The following DDX24 variants were observed in gnomAD, a reference collection of about 807,000 sequenced individuals.
DDX24 encodes ATP-dependent RNA helicase DDX24.
In DDX24, 24 loss-of-function variants were observed where a neutral mutation model predicts 68.9. The observed-to-expected ratio is 0.35, with a 90% confidence interval of 0.25 to 0.49. The LOEUF is 0.49. Among genes scored for constraint, DDX24 ranks in the 20% least tolerant of loss-of-function variants. The pLI, the probability that DDX24 is intolerant of heterozygous loss-of-function variation, is 0.99. For missense variants in DDX24, 989 were observed against 1,039.0 expected, an observed-to-expected ratio of 0.95 and a Z score of 0.66; for synonymous variants, 395 against 385.2, an observed-to-expected ratio of 1.03 and a Z score of -0.30.
Position 94,060,319 on chromosome 14 carries a change from T to C in DDX24, c.1692A>G (p.Thr564=). 1.2e-6 allele frequency: 2 copies of C among 1,614,244 alleles called. No individual in the cohort carries two copies. The highest frequency in any genetic ancestry group is 8.5e-7 in the Non-Finnish European group (1 of 1,180,038). Reference sequence around the variant, plus strand: ...CAGTCTCACAATGGATCTTGGTCTCTGTTAGCGTCTCCACCGTGGCCTCAT... The same window carrying C: ...CAGTCTCACAATGGATCTTGGTCTCCGTTAGCGTCTCCACCGTGGCCTCAT... ...TRNEATVETL[T]ETKIHCETDE... is the part of the protein sequence containing the mutation. The change falls in exon 5 of 9, where the codon ACA becomes ACG. Residue 564 remains threonine (T), a synonymous_variant. Coordinates refer to ENST00000621632, the MANE Select transcript of DDX24 (RefSeq NM_020414.4).
In DDX24 at chr14:94,062,381, T is replaced by C. The variant is rs199917054; in HGVS notation, c.959A>G (p.Lys320Arg). 1,416 of 1,614,228 alleles carry C rather than the reference T, an allele frequency of 8.8e-4. 11 individuals carry two copies. Among genetic ancestry groups the C allele is most frequent in the South Asian group, 8.7e-3 (791 of 91,082 alleles). Residue 320 changes from lysine (K) to arginine (R), a missense_variant, in exon 3 of 9, where the codon AAG becomes AGG. This residue lies in a region of DDX24 where 691 missense variants were observed against 760.0 expected (regional missense o/e 0.91). Coordinates refer to ENST00000621632, the MANE Select transcript of DDX24 (RefSeq NM_020414.4). ...CTGGTCTGAGACAGTGCCTCCAGTC[T>C]TGGCTCTGGCCTCGGCTGCAATATC... ...PSDIAAEARA[K>R]TGGTVSDQAL...
chr14:94,055,401 C>A, intron 6 of DDX24: 1 of 553,182 alleles, frequency 1.8e-6, no homozygotes, highest in African/African-American at 1.9e-5. Flanking sequence ...CCCTCCCATG[C>A]CCCTGACCCT....
chr14:94,060,989 C>T lies in DDX24; in HGVS notation c.1321G>A (p.Val441Met), dbSNP rs763835363. The stretch of plus-strand genomic sequence containing the variant: ...CACAGCCGGCCTGGAGTAGCAACCA[C>T]AATCTCAGGACGACGGTTCAGCATC... ...QRMLNRRPEI[V>M]VATPGRLWEL... The change falls in exon 4 of 9, where the codon GTG (valine) becomes ATG (methionine). Residue 441 changes from valine (V) to methionine (M), a missense_variant. By Grantham distance (21) the Val-to-Met change is conservative. Around this residue, in one of 3 missense-constraint regions of DDX24, gnomAD observed 691 missense variants for 760.0 expected, o/e 0.91. Coordinates refer to ENST00000621632, the MANE Select transcript of DDX24 (RefSeq NM_020414.4). 1.2e-6 allele frequency: 2 copies of T among 1,614,250 alleles called. No homozygotes were observed. Among genetic ancestry groups the T allele is most frequent in the Non-Finnish European group, 1.7e-6 (2 of 1,180,038 alleles).
intron 7 of DDX24, among the ~76,000 whole-genome samples, chr14:94,053,876 T>C (rs1161928725): frequency 6.6e-6 from 1 of 152,118 alleles, no homozygotes; most frequent in African/African-American, 2.4e-5. Flanking sequence ...AGATCAGTGG[T>C]GAGATGCAGT....
At chr14:94,072,403 G>A (rs891770629) in intron 2 of DDX24, among the ~76,000 whole-genome samples, 1 of 152,196 alleles carries the variant, frequency 6.6e-6, no homozygotes, top group South Asian at 2.1e-4. Flanking sequence ...TAAGTTATGA[G>A]GATGCAAAAG....
At chr14:94,070,698 T>C (rs1213202751) in intron 2 of DDX24, among the ~76,000 whole-genome samples, 2 of 151,986 alleles carry the variant, frequency 1.3e-5, no homozygotes, top group African/African-American at 4.8e-5. Context: ...AACCCAGAAA[T>C]AAACCCAAAT....
intron 2 of DDX24, among the ~76,000 whole-genome samples, chr14:94,066,598 T>C (rs1243157138): frequency 6.6e-6 from 1 of 152,054 alleles, no homozygotes; most frequent in East Asian, 1.9e-4. Context: ...CCCTCAGCCA[T>C]CTCCACCGGA....
intron 2 of DDX24, among the ~76,000 whole-genome samples, chr14:94,065,551 G>C (rs182588993): frequency 7.5e-4 from 114 of 152,308 alleles, no homozygotes; most frequent in African/African-American, 2.6e-3. Context: ...AGCAAGGGGA[G>C]GCTTGCATTG....
intron 2 of DDX24, among the ~76,000 whole-genome samples, chr14:94,074,704 AG>A (rs2141435580): frequency 6.6e-6 from 1 of 152,346 alleles, no homozygotes; most frequent in East Asian, 1.9e-4. Context: ...ATTCTGCTAA[AG>A]GTGTTAGCCA....
chr14:94,062,154 T>C lies in DDX24; in HGVS notation c.1186A>G (p.Thr396Ala), dbSNP rs1885609237. ...TTGACCTGGACGGCCAGCTCTCGAG[T>C]GGGAGTCAGAACCAGTCCAAGCAGA... Reference protein sequence around the residue: ...RPLLGLVLTPTRELAVQVKQH... With the variant: ...RPLLGLVLTPARELAVQVKQH... Residue 396 changes from threonine to alanine, a missense_variant, in exon 3 of 9, where the codon ACT (threonine) becomes GCT (alanine). Thr to Ala is a moderately conservative substitution (Grantham distance 58). Around this residue, in one of 3 missense-constraint regions of DDX24, gnomAD observed 691 missense variants for 760.0 expected, o/e 0.91. Coordinates refer to ENST00000621632, the MANE Select transcript of DDX24 (RefSeq NM_020414.4). The C allele has an allele frequency of 1.2e-6, 2 of 1,613,746 alleles. No individual in the cohort carries two copies. The highest frequency in any genetic ancestry group is 1.7e-6 in the Non-Finnish European group (2 of 1,179,928).
Position 94,062,335 on chromosome 14 carries a change from A to T in DDX24, c.1005T>A (p.Asp335Glu), listed in dbSNP as rs1309683042. The change falls in exon 3 of 9, where the codon GAT becomes GAA. Residue 335 changes from aspartate to glutamate, a missense_variant. Physicochemically the swap from Asp to Glu is conservative, Grantham distance 45 (BLOSUM62 2). Coordinates refer to ENST00000621632, the MANE Select transcript of DDX24 (RefSeq NM_020414.4). ...GGGAAGAAGGCCCTTCACCAGCATC[A>T]TCGTCACCAAAGAGCAACGCCTGGT... ...VSDQALLFGD[D>E]DAGEGPSSLI... is the part of the protein sequence containing the mutation. 1 of 1,614,120 alleles carries T rather than the reference A, an allele frequency of 6.2e-7. No individual in the cohort carries two copies. The highest frequency in any genetic ancestry group is 1.3e-5 in the African/African-American group (1 of 74,938).
chr14:94,069,025 A>G (rs113715401), intron 2 of DDX24, among the ~76,000 whole-genome samples: 12,105 of 152,264 alleles, frequency 0.08, 515 homozygotes, highest in Middle Eastern at 0.19. Flanking sequence ...GAGCAGAACT[A>G]AATGAAATTG....
At chr14:94,058,077 T>C (rs1040963071) in intron 5 of DDX24, among the ~76,000 whole-genome samples, 180 bp from the exon 6 acceptor site, 1 of 152,208 alleles carries the variant, frequency 6.6e-6, no homozygotes, top group Non-Finnish European at 1.5e-5. Flanking sequence ...GCTATCTACA[T>C]GGCTATTCAG....
chr14:94,079,785 GAGA>G (rs770167092), intron 1 of DDX24, 38 bp from the exon 2 acceptor site: 2 of 1,568,450 alleles, frequency 1.3e-6, no homozygotes, highest in African/African-American at 2.7e-5. Flanking sequence ...GTTGGTGTCT[GAGA>G]AGCAGAGGGT....
chr14:94,064,809 G>A (rs900934235), intron 2 of DDX24, among the ~76,000 whole-genome samples: 1 of 152,190 alleles, frequency 6.6e-6, no homozygotes, highest in Non-Finnish European at 1.5e-5. Context: ...GGTGTTGTGG[G>A]AATACCCAAT....
chr14:94,048,432 G>C lies in DDX24; in HGVS notation c.*2759C>G, dbSNP rs1407855528. 1 of 152,220 alleles carries C rather than the reference G, an allele frequency of 6.6e-6. No homozygotes were observed. The highest frequency in any genetic ancestry group is 1.5e-5 in the Non-Finnish European group (1 of 68,042). The allele number at this position is 152,220 out of a possible 1,614,324, so 9.4% of individuals were successfully genotyped here. A position where few individuals can be genotyped will look rare whatever the true frequency, so the allele number is the denominator to read the frequency against. Reference sequence around the variant, plus strand: ...AGCACAAATGAGAGCTCTGGAGCCAGAATGCCAGGGTTCTAACTTCAGCAT... The same window carrying C: ...AGCACAAATGAGAGCTCTGGAGCCACAATGCCAGGGTTCTAACTTCAGCAT... On this transcript the variant is annotated 3_prime_UTR_variant, in exon 9 of 9. Coordinates refer to ENST00000621632, the MANE Select transcript of DDX24 (RefSeq NM_020414.4).
Position 94,057,826 on chromosome 14 carries a change from T to C in DDX24, c.1985A>G (p.Tyr662Cys). Reference protein sequence around the residue: ...DIPKVQHVIHYQVPRTSEIYV... With the variant: ...DIPKVQHVIHCQVPRTSEIYV... ...TAAATTTTCAGATGCCCCTACCTGG[T>C]AATGGATGACATGCTGGACTTTAGG... The change falls in exon 6 of 9, where the codon TAC becomes TGC. Residue 662 changes from tyrosine to cysteine, a missense_variant. Physicochemically the swap from Tyr to Cys is radical, Grantham distance 194 (BLOSUM62 -2). Around this residue, in one of 3 missense-constraint regions of DDX24, gnomAD observed 691 missense variants for 760.0 expected, o/e 0.91. Coordinates refer to ENST00000621632, the MANE Select transcript of DDX24 (RefSeq NM_020414.4). The C allele has an allele frequency of 1.9e-6, 3 of 1,613,642 alleles. No homozygotes were observed. The highest frequency in any genetic ancestry group is 2.5e-6 in the Non-Finnish European group (3 of 1,179,808).
rs772973355 is a variant in DDX24, at chr14:94,079,469, A to C, written c.274T>G (p.Ser92Ala). 7 of 1,613,664 alleles carry C rather than the reference A, an allele frequency of 4.3e-6. No homozygotes were observed. In the Admixed American group the frequency reaches 8.3e-5, roughly 19 times the overall value. The part of the protein sequence containing the change: ...SEEEEEEEGK[S>A]SSPKKKIKLK... ...TTGATCTTTTTCTTTGGTGAGCTAGACTTTCCCTCCTCCTCCTCCTCTTCT... is the reference window on the plus strand; with the variant it reads ...TTGATCTTTTTCTTTGGTGAGCTAGCCTTTCCCTCCTCCTCCTCCTCTTCT... The change falls in exon 2 of 9, where the codon TCT becomes GCT. Residue 92 changes from serine (S) to alanine (A), a missense_variant. By Grantham distance (99) the Ser-to-Ala change is moderately conservative. Transcript: ENST00000621632.
chr14:94,070,714 C>G (rs1221390727), intron 2 of DDX24, among the ~76,000 whole-genome samples: 1 of 152,220 alleles, frequency 6.6e-6, no homozygotes, highest in Admixed American at 6.5e-5. Flanking sequence ...CAAATACTTA[C>G]AGCCAACTGA....
Sources: gnomAD v4.1 joint callset for allele counts (sites outside exome capture counted in the v4.1 genomes callset) on GRCh38, gnomAD v4.1.1 for gene constraint, gnomAD v4.1.1 regional missense constraint, MANE v1.5 for transcripts, NCBI Gene and HGNC (gene_info 2026-07-23, HGNC 2026-07-21) for gene names.